ZNF503: variants seen among roughly 807,000 people sequenced by gnomAD.
ZNF503 encodes zinc finger protein 503, also known as NocA-like zinc finger 2.
Under a neutral mutation model 34.4 loss-of-function variants are expected in ZNF503, and 15 were observed. That is an observed-to-expected ratio of 0.44 (90% CI 0.29 to 0.67). The LOEUF is 0.67. ZNF503 is among the 30% of genes least tolerant of loss of function. ZNF503 has a pLI of 0.13. For synonymous variants in ZNF503, 580 were observed against 456.8 expected (o/e 1.27, Z -3.44); for missense variants, 1,007 against 926.8 (o/e 1.09, Z -1.12).
the ZNF503 span, among the ~76,000 whole-genome samples, chr10:75,302,208 G>A: frequency 0.018 from 2,791 of 152,250 alleles, 79 homozygotes; most frequent in African/African-American, 0.064. Flanking sequence ...TCTGGCCTCC[G>A]TTGTTTCTGA....
chr10:75,290,002 T>C, the ZNF503 span, among the ~76,000 whole-genome samples: 2 of 152,198 alleles, frequency 1.3e-5, no homozygotes, highest in Admixed American at 6.5e-5. Flanking sequence ...TAATTCCCCA[T>C]TCTCTCTTTC....
chr10:75,369,375 T>G, the ZNF503 span, among the ~76,000 whole-genome samples: 1 of 152,198 alleles, frequency 6.6e-6, no homozygotes. Context: ...AATTGAATCA[T>G]AGGGGTGGTT....
chr10:75,309,234 A>G, the ZNF503 span, among the ~76,000 whole-genome samples: 1 of 152,222 alleles, frequency 6.6e-6, no homozygotes, highest in African/African-American at 2.4e-5. Flanking sequence ...TTGAAATGAC[A>G]ACAAAGCATT....
At chr10:75,334,214 G>T in the ZNF503 span, among the ~76,000 whole-genome samples, 7 of 152,114 alleles carry the variant, frequency 4.6e-5, no homozygotes, top group African/African-American at 1.4e-4. Context: ...GGGCCCCGCG[G>T]GGCCCGTCCG....
chr10:75,316,752 A>G, the ZNF503 span, among the ~76,000 whole-genome samples: 31 of 152,328 alleles, frequency 2.0e-4, 1 homozygote, highest in African/African-American at 6.5e-4. Flanking sequence ...AATTAATAAC[A>G]GGAAGAAAAC....
the ZNF503 span, among the ~76,000 whole-genome samples, chr10:75,322,641 G>A: frequency 6.6e-6 from 1 of 151,976 alleles, no homozygotes; most frequent in South Asian, 2.1e-4. Flanking sequence ...ACCAGCCTGC[G>A]CAACATGGTG....
the ZNF503 span, among the ~76,000 whole-genome samples, chr10:75,280,555 C>CGTGTGTGTGTGTGT: frequency 2.2e-4 from 32 of 146,618 alleles, no homozygotes; most frequent in African/African-American, 7.2e-4. Flanking sequence ...GGTGTGTATG[C>CGTGTGTGTGTGTGT]GTGTGTGTGT....
chr10:75,318,430 G>A, the ZNF503 span, among the ~76,000 whole-genome samples: 1 of 152,110 alleles, frequency 6.6e-6, no homozygotes, highest in South Asian at 2.1e-4. Flanking sequence ...CAGCACTTTG[G>A]GCAGCTGAAG....
Position 75,399,672 on chromosome 10 carries a change from C to T in ZNF503, c.1018G>A (p.Val340Met), listed in dbSNP as rs762427266. 1.9e-6 allele frequency: 3 copies of T among 1,599,810 alleles called. No individual in the cohort carries two copies. In the East Asian group the frequency reaches 6.7e-5, roughly 36 times the overall value. The part of the protein sequence containing the change: ...SVLGSGLVAP[V>M]SPYKPGQTVF... ...GTCTGGCCCGGCTTGTAGGGTGACA[C>T]GGGAGCCACCAGCCCAGAGCCCAAC... is the stretch of plus-strand genomic sequence containing the variant. Residue 340 changes from valine (V) to methionine (M), a missense_variant, in exon 2 of 2, where the codon GTG becomes ATG. Val to Met is a conservative substitution (Grantham distance 21, BLOSUM62 1). Transcript: ENST00000372524.
At chr10:75,301,080 T>G in the ZNF503 span, among the ~76,000 whole-genome samples, 1 of 152,028 alleles carries the variant, frequency 6.6e-6, no homozygotes, top group Non-Finnish European at 1.5e-5. Context: ...TTATGGTTAC[T>G]GTTTGCTTGG....
chr10:75,387,461 TA>T, the ZNF503 span, among the ~76,000 whole-genome samples: 8 of 152,332 alleles, frequency 5.3e-5, no homozygotes, highest in Middle Eastern at 3.4e-3. Flanking sequence ...TGTGAGGATA[TA>T]AAAAGATAAT....
chr10:75,337,180 C>T, the ZNF503 span, among the ~76,000 whole-genome samples: 111,337 of 151,430 alleles, frequency 0.74, 41,281 homozygotes, highest in African/African-American at 0.79. Context: ...AACAATTAGT[C>T]GGGCGTGGTG....
chr10:75,356,852 C>T, the ZNF503 span, among the ~76,000 whole-genome samples: 8 of 152,174 alleles, frequency 5.3e-5, no homozygotes, highest in South Asian at 2.1e-4. Flanking sequence ...ACTCCTCCCC[C>T]GGGAGGCTGC....
the ZNF503 span, among the ~76,000 whole-genome samples, chr10:75,314,411 A>G: frequency 2.6e-5 from 4 of 152,184 alleles, no homozygotes; most frequent in Admixed American, 2.6e-4. Flanking sequence ...TAAAAAATGC[A>G]ATAGAGAGCA....
the ZNF503 span, among the ~76,000 whole-genome samples, chr10:75,280,837 C>T: frequency 1.3e-5 from 2 of 152,106 alleles, no homozygotes; most frequent in South Asian, 4.1e-4. Context: ...AAAAAAGGAA[C>T]ATCTAAATCA....
the ZNF503 span, among the ~76,000 whole-genome samples, chr10:75,351,419 A>G: frequency 2.6e-5 from 4 of 152,232 alleles, no homozygotes; most frequent in East Asian, 3.9e-4. Flanking sequence ...TGATCTGCCC[A>G]TCTCGGCCTC....
At chr10:75,320,350 T>C in the ZNF503 span, among the ~76,000 whole-genome samples, 4 of 151,734 alleles carry the variant, frequency 2.6e-5, no homozygotes, top group African/African-American at 9.7e-5. Context: ...GCGTGGTGGA[T>C]TGTGCCTGTA....
rs1332541987 is a variant in ZNF503, at chr10:75,399,129, C to G, written c.1561G>C (p.Ala521Pro). Residue 521 changes from alanine to proline, a missense_variant, in exon 2 of 2, where the codon GCC (alanine) becomes CCC (proline). Coordinates refer to ENST00000372524, the MANE Select transcript of ZNF503 (RefSeq NM_032772.6). ...PLPHICNWVS[A>P]NGPCDKRFAT... Reference sequence around the variant, plus strand: ...AAGCGCTTGTCGCACGGCCCGTTGGCCGACACCCAGTTGCAGATGTGGGGG... The same window carrying G: ...AAGCGCTTGTCGCACGGCCCGTTGGGCGACACCCAGTTGCAGATGTGGGGG... 6.2e-7 allele frequency: 1 copy of G among 1,613,596 alleles called. No homozygotes were observed. Among genetic ancestry groups the G allele is most frequent in the Admixed American group, 1.7e-5 (1 of 60,002 alleles).
chr10:75,326,474 A>G, the ZNF503 span, among the ~76,000 whole-genome samples: 1 of 152,092 alleles, frequency 6.6e-6, no homozygotes, highest in African/African-American at 2.4e-5. Context: ...TATTTTGGGA[A>G]GATATTTTTA....
Sources: allele counts gnomAD v4.1 joint callset (sites outside exome capture counted in the v4.1 genomes callset), GRCh38; gene constraint gnomAD v4.1.1; transcripts MANE v1.5; gene names NCBI Gene and HGNC (gene_info 2026-07-23, HGNC 2026-07-21).